Variants in MCPH1 observed in about 807,000 individuals in gnomAD.
MCPH1 encodes microcephalin 1.
Under a neutral mutation model 84.5 loss-of-function variants are expected in MCPH1, and 104 were observed. The ratio of observed to expected loss-of-function variants is 1.23; its 90% CI spans 1.05 to 1.45. The LOEUF is 1.45. Ranked by LOEUF, MCPH1 falls within the 40% of genes most tolerant of loss-of-function variation. MCPH1 has a pLI of 0.00. For missense variants in MCPH1, 1,498 were observed against 1,005.7 expected (o/e 1.49, Z -6.62); for synonymous variants, 514 against 366.8 (o/e 1.40, Z -4.58).
intron 12 of MCPH1, among the ~76,000 whole-genome samples, chr8:6,578,075 C>T (rs1326416003): frequency 3.3e-5 from 5 of 152,192 alleles, no homozygotes; most frequent in African/African-American, 7.2e-5. Flanking sequence ...GTAGATCAGA[C>T]GTGTTCTCTT....
At chr8:6,453,356 A>C (rs1179558085) in intron 8 of MCPH1, among the ~76,000 whole-genome samples, 2 of 151,918 alleles carry the variant, frequency 1.3e-5, no homozygotes, top group Non-Finnish European at 2.9e-5. Flanking sequence ...TTTTGACTTC[A>C]GGATTTGTGA....
chr8:6,535,711 CA>C (rs1820361092), intron 12 of MCPH1, among the ~76,000 whole-genome samples: 1 of 152,016 alleles, frequency 6.6e-6, no homozygotes, highest in Admixed American at 6.6e-5. Flanking sequence ...AAGAATGGAA[CA>C]GAACCAAAAA....
At position 6,465,903 on chromosome 8, in the gene MCPH1, T is replaced by G. The variant is rs145549887; in HGVS notation, c.1935+10651T>G. 1.2e-3 allele frequency among the ~76,000 whole-genome samples: 186 copies of G among 149,600 alleles called. 3 individuals are homozygous for G. In the East Asian group the frequency reaches 0.031, roughly 25 times the overall value. ...TCTGTTCTCTTGAGGAATAATTATTTCCTACTCAATTTTATCTATCGATCC... is the reference window on the plus strand; with the variant it reads ...TCTGTTCTCTTGAGGAATAATTATTGCCTACTCAATTTTATCTATCGATCC... On this transcript the variant is annotated intron_variant, in intron 9 of 13. Transcript: ENST00000344683.
chr8:6,477,253 A>T (rs1475680651), intron 9 of MCPH1: 1 of 250,250 alleles, frequency 4.0e-6, no homozygotes. Flanking sequence ...CTACAAAAAC[A>T]CCCTTCTTAC....
chr8:6,528,209 A>G (rs1276655749), intron 12 of MCPH1, among the ~76,000 whole-genome samples: 1 of 152,126 alleles, frequency 6.6e-6, no homozygotes, highest in African/African-American at 2.4e-5. Flanking sequence ...TTATGTCTCT[A>G]TCTTGGAAAG....
Position 6,542,687 on chromosome 8 carries a change from C to T in MCPH1, c.2214+42758C>T, listed in dbSNP as rs192663738. Among the ~76,000 whole-genome samples the T allele has an allele frequency of 5.3e-5, 8 of 151,936 alleles. No homozygotes were observed. In the East Asian group the frequency reaches 1.4e-3, roughly 26 times the overall value. On this transcript the variant is annotated intron_variant, in intron 12 of 13. Coordinates refer to ENST00000344683, the MANE Select transcript of MCPH1 (RefSeq NM_024596.5). ...GTATAAAGATACTGATGGCCTTTTA[C>T]GTCTCCTCTCTGCCCTGTTTTTGCT...
intron 12 of MCPH1, among the ~76,000 whole-genome samples, chr8:6,558,651 C>G (rs1351900168): frequency 6.6e-6 from 1 of 152,076 alleles, no homozygotes; most frequent in Non-Finnish European, 1.5e-5. Flanking sequence ...TATGGATTAT[C>G]TAGTGTCTCA....
intron 12 of MCPH1, among the ~76,000 whole-genome samples, chr8:6,586,535 C>A (rs1025707318): frequency 3.9e-5 from 6 of 152,160 alleles, no homozygotes; most frequent in Admixed American, 2.6e-4. Context: ...CTTCTTTCAG[C>A]AGTTATTGAG....
At chr8:6,495,602 A>G (rs1339105584) in intron 11 of MCPH1, among the ~76,000 whole-genome samples, 1 of 152,256 alleles carries the variant, frequency 6.6e-6, no homozygotes, top group African/African-American at 2.4e-5. Flanking sequence ...GTCAGCTTAA[A>G]TTAGTAAAAA....
At chr8:6,502,274 A>G (rs569610397) in intron 12 of MCPH1, 1 of 152,302 alleles carries the variant, frequency 6.6e-6, no homozygotes, top group East Asian at 1.9e-4. Context: ...AAATATTATC[A>G]TAAAAGTTAA....
At chr8:6,626,064 GCA>G (rs1288702414) in intron 13 of MCPH1, 1 of 985,394 alleles carries the variant, frequency 1.0e-6, no homozygotes, top group African/African-American at 1.7e-5. Flanking sequence ...CTTTGTTCCT[GCA>G]CAGTCTGCCT....
intron 12 of MCPH1, among the ~76,000 whole-genome samples, chr8:6,617,775 C>G (rs1015118273): frequency 1.1e-4 from 17 of 152,124 alleles, no homozygotes; most frequent in African/African-American, 4.1e-4. Flanking sequence ...TTCCTGGGCT[C>G]AAGTGATCCT....
In MCPH1 at chr8:6,480,417, C is replaced by G. The variant is rs13282116; in HGVS notation, c.1974-297C>G. On this transcript the variant is annotated intron_variant, in intron 10 of 13. Transcript: ENST00000344683. The stretch of plus-strand genomic sequence containing the variant: ...TACAGGTGTGAGCCACCGCGCCCAG[C>G]CAGGGGCCTGGTTTCTGATGCTGGC... Among the ~76,000 whole-genome samples, 22,654 of 151,992 alleles carry G rather than the reference C, an allele frequency of 0.15. 1,839 individuals are homozygous for G. The highest frequency in any genetic ancestry group is 0.26 in the Middle Eastern group (77 of 292).
chr8:6,623,818 G>A (rs146897196), intron 13 of MCPH1, among the ~76,000 whole-genome samples: 2 of 152,058 alleles, frequency 1.3e-5, no homozygotes, highest in Admixed American at 1.3e-4. Flanking sequence ...TGAAACAGAG[G>A]TTGTTGTTTT....
intron 12 of MCPH1, among the ~76,000 whole-genome samples, chr8:6,611,130 T>TCTCACA (rs1554477025): frequency 4.7e-5 from 7 of 149,738 alleles, no homozygotes; most frequent in African/African-American, 1.7e-4. Flanking sequence ...ACACACACAC[T>TCTCACA]CACACACACA....
intron 9 of MCPH1, among the ~76,000 whole-genome samples, chr8:6,470,901 T>C (rs974995093): frequency 1.3e-5 from 2 of 152,182 alleles, no homozygotes; most frequent in Admixed American, 1.3e-4. Flanking sequence ...AACTAAGGGG[T>C]GTCTTTTCTA....
At chr8:6,609,445 T>C (rs1362155685) in intron 12 of MCPH1, among the ~76,000 whole-genome samples, 1 of 152,226 alleles carries the variant, frequency 6.6e-6, no homozygotes, top group African/African-American at 2.4e-5. Context: ...TTCCCATCAC[T>C]TATGTAGCCT....
intron 12 of MCPH1, chr8:6,521,541 G>C: frequency 1.5e-6 from 1 of 674,490 alleles, no homozygotes; most frequent in Non-Finnish European, 2.4e-6. Context: ...GATGTTACCA[G>C]AGCCCTAAGG....
chr8:6,419,708 T>C (rs1168549423), intron 3 of MCPH1, among the ~76,000 whole-genome samples: 1 of 152,072 alleles, frequency 6.6e-6, no homozygotes, highest in Non-Finnish European at 1.5e-5. Context: ...AGATGGGATC[T>C]TACTATGTAG....
Sources: allele counts gnomAD v4.1 joint callset (sites outside exome capture counted in the v4.1 genomes callset), GRCh38; gene constraint gnomAD v4.1.1; transcripts MANE v1.5; gene names NCBI Gene and HGNC (gene_info 2026-07-23, HGNC 2026-07-21).